The following TRPC3 variants were observed in gnomAD, a reference collection of about 807,000 sequenced individuals.
TRPC3 encodes short transient receptor potential channel 3.
Under a neutral mutation model 90.9 loss-of-function variants are expected in TRPC3, and 54 were observed. The observed-to-expected ratio is 0.59, with a 90% CI of 0.48 to 0.75. TRPC3 has a LOEUF of 0.75. Among genes scored for constraint, TRPC3 ranks in the 30% least tolerant of loss-of-function variants. The probability of loss-of-function intolerance (pLI) is 0.00; values close to 1 mark genes in which losing one functional copy is unlikely to be tolerated. For missense variants in TRPC3, 918 were observed against 1,194.5 expected (o/e 0.77, Z 3.41); for synonymous variants, 424 against 450.9 (o/e 0.94, Z 0.75).
At chr4:121,907,595 A>G (rs745733011) in intron 6 of TRPC3, 28 bp from the exon 7 acceptor site, 2 of 1,580,356 alleles carry the variant, frequency 1.3e-6, no homozygotes, top group South Asian at 2.3e-5. Context: ...AGAGATTAAA[A>G]ATGGAGCTTT....
At chr4:121,915,816 T>A (rs1453352623) in intron 3 of TRPC3, among the ~76,000 whole-genome samples, 3 of 152,340 alleles carry the variant, frequency 2.0e-5, no homozygotes, top group African/African-American at 7.2e-5. Flanking sequence ...CAGGCCCTTG[T>A]AAAGGTCCCT....
chr4:121,941,633 G>GA (rs1730315764), intron 1 of TRPC3, among the ~76,000 whole-genome samples: 1 of 96,934 alleles, frequency 1.0e-5, no homozygotes, highest in Non-Finnish European at 2.2e-5. Flanking sequence ...AGTCAGAGAA[G>GA]AAAAGTCAAA....
At position 121,885,292 on chromosome 4, in the gene TRPC3, C is replaced by A. The variant is rs10518289; in HGVS notation, c.2548-2863G>T. On this transcript the variant is annotated intron_variant, in intron 10 of 11. Coordinates refer to ENST00000379645, the MANE Select transcript of TRPC3 (RefSeq NM_001130698.2). ...TATTAGGAAGCTTGTCTAGTAAACC[C>A]AAGACAGTATTGTGTAATAGGCAAC... 4.6e-5 allele frequency among the ~76,000 whole-genome samples: 7 copies of A among 152,052 alleles called. No individual in the cohort carries two copies. The South Asian group carries it at 1.2e-3, about 27-fold the overall frequency.
At chr4:121,938,059 C>T (rs1730190315) in intron 1 of TRPC3, among the ~76,000 whole-genome samples, 1 of 151,780 alleles carries the variant, frequency 6.6e-6, no homozygotes, top group Non-Finnish European at 1.5e-5. Context: ...GAAATACCCT[C>T]TCATATATGC....
intron 3 of TRPC3, among the ~76,000 whole-genome samples, chr4:121,915,362 A>G (rs1222604166): frequency 1.3e-5 from 2 of 152,226 alleles, no homozygotes; most frequent in African/African-American, 2.4e-5. Context: ...GCTATAGCTA[A>G]AAGAGAAATG....
rs112230743 is a variant in TRPC3 at position 121,893,201 on chromosome 4, TGTGTGTGC to T, written c.2547+6403_2547+6410del. 8.4e-3 allele frequency among the ~76,000 whole-genome samples: 1,273 copies of T among 151,796 alleles called. 13 individuals are homozygous for T. The highest frequency in any genetic ancestry group is 0.028 in the African/African-American group (1,161 of 41,422). On this transcript the variant is annotated intron_variant, in intron 10 of 11. Coordinates refer to ENST00000379645, the MANE Select transcript of TRPC3 (RefSeq NM_001130698.2). ...AAACCCTGAAGTAAGGATGTGTATG[TGTGTGTGC>T]GTGTGTGCGTGTGTATGTACACACG...
chr4:121,932,157 T>G lies in TRPC3; in HGVS notation c.987+114A>C. On this transcript the variant is annotated intron_variant, in intron 2 of 11. Coordinates refer to ENST00000379645, the MANE Select transcript of TRPC3 (RefSeq NM_001130698.2). This position sits in a 1 kb window ranked among gnomAD's most constrained non-coding sequence, Gnocchi z 7.7. Reference sequence around the variant, plus strand: ...AATGACGTTCTCAGTCCCTCGTGATTTCACATTCACTGGGCAAAACCGAAT... The same window carrying G: ...AATGACGTTCTCAGTCCCTCGTGATGTCACATTCACTGGGCAAAACCGAAT... 1 of 1,491,722 alleles carries G rather than the reference T, an allele frequency of 6.7e-7. No individual in the cohort carries two copies. Among genetic ancestry groups the G allele is most frequent in the East Asian group, 2.3e-5 (1 of 43,112 alleles). 92.4% of individuals were successfully genotyped at this position (1,491,722 alleles called of 1,614,324 possible). A position where few individuals can be genotyped will look rare whatever the true frequency, so the allele number is the denominator to read the frequency against.
chr4:121,935,891 T>C (rs1730114214), intron 1 of TRPC3, among the ~76,000 whole-genome samples: 1 of 152,208 alleles, frequency 6.6e-6, no homozygotes, highest in Non-Finnish European at 1.5e-5. Flanking sequence ...CATCATTCTT[T>C]CATCAATATT....
intron 10 of TRPC3, among the ~76,000 whole-genome samples, chr4:121,899,000 G>A (rs114501036): frequency 0.014 from 2,060 of 152,162 alleles, 47 homozygotes; most frequent in African/African-American, 0.046. Flanking sequence ...TTCCTTGATC[G>A]TCACTTTTGT....
chr4:121,950,444 T>TTCTC (rs1730681176), intron 1 of TRPC3: 1 of 152,286 alleles, frequency 6.6e-6, no homozygotes, highest in Admixed American at 6.5e-5. Flanking sequence ...CGACCCCAAG[T>TTCTC]TCTCTACCTA....
chr4:121,882,565 A>C (rs949982253), intron 10 of TRPC3, 136 bp from the exon 11 acceptor site: 4 of 600,356 alleles, frequency 6.7e-6, no homozygotes, highest in Non-Finnish European at 1.1e-5. Flanking sequence ...GTATAGAAAA[A>C]TTACGCAGGT....
At chr4:121,925,350 T>C (rs767973161) in intron 2 of TRPC3, 144 bp from the exon 3 acceptor site, 30 of 882,194 alleles carry the variant, frequency 3.4e-5, no homozygotes, top group Non-Finnish European at 4.8e-5. Context: ...TTGAGCTGAA[T>C]ACAGGCTGGA....
In TRPC3 at chr4:121,876,934, G is replaced by GA. The variant is rs1228343807; in HGVS notation, c.*2801dup. Among the ~76,000 whole-genome samples, 1 of 152,080 alleles carries GA rather than the reference G, an allele frequency of 6.6e-6. No individual in the cohort carries two copies. The highest frequency in any genetic ancestry group is 1.5e-5 in the Non-Finnish European group (1 of 68,012). On this transcript the variant is annotated 3_prime_UTR_variant, in exon 12 of 12. Coordinates refer to ENST00000379645, the MANE Select transcript of TRPC3 (RefSeq NM_001130698.2). ...GGTAAAAAATGAGAGATGTCCTAAG[G>GA]AAAAAAGAGTCCTGGGGCTTTGACA...
chr4:121,881,553 A>G (rs1399158859), intron 11 of TRPC3, among the ~76,000 whole-genome samples: 1 of 152,212 alleles, frequency 6.6e-6, no homozygotes, highest in African/African-American at 2.4e-5. Flanking sequence ...TTCTACATAC[A>G]TACACTATTG....
intron 3 of TRPC3, among the ~76,000 whole-genome samples, chr4:121,916,438 A>G (rs2149129338): frequency 6.6e-6 from 1 of 152,268 alleles, no homozygotes; most frequent in South Asian, 2.1e-4. Context: ...TGAATATTAG[A>G]TTTGAAATAA....
At chr4:121,915,696 AT>A (rs542247718) in intron 3 of TRPC3, among the ~76,000 whole-genome samples, 51 of 150,390 alleles carry the variant, frequency 3.4e-4, no homozygotes, top group Admixed American at 1.1e-3. Context: ...CAGCCATTTG[AT>A]TTTTTTTTTC....
intron 10 of TRPC3, among the ~76,000 whole-genome samples, chr4:121,893,642 G>A (rs527405439): frequency 2.6e-5 from 4 of 152,046 alleles, no homozygotes; most frequent in East Asian, 1.9e-4. Flanking sequence ...AATTTGTAAC[G>A]TTGACTATAC....
At chr4:121,910,079 A>T in intron 6 of TRPC3, 75 bp downstream of exon 6, 1 of 1,138,078 alleles carries the variant, frequency 8.8e-7, no homozygotes, top group Non-Finnish European at 1.3e-6. Context: ...ACATACTCCA[A>T]TTGGCATTTC....
intron 7 of TRPC3, among the ~76,000 whole-genome samples, chr4:121,905,932 C>A (rs1281732922): frequency 6.6e-6 from 1 of 152,010 alleles, no homozygotes; most frequent in Non-Finnish European, 1.5e-5. Flanking sequence ...TTTGTTCCTA[C>A]CATTTATTTA....
Sources: gnomAD v4.1 joint callset for allele counts (sites outside exome capture counted in the v4.1 genomes callset) on GRCh38, gnomAD v4.1.1 for gene constraint, Gnocchi (gnomAD v3.1) non-coding constraint, MANE v1.5 for transcripts, NCBI Gene and HGNC (gene_info 2026-07-23, HGNC 2026-07-21) for gene names.